HRH1: variants seen among roughly 807,000 people sequenced by gnomAD.
HRH1 encodes histamine receptor H1, also known as histamine H1 receptor.
In HRH1, 6 loss-of-function variants were observed where a neutral mutation model predicts 10.3. The ratio of observed to expected loss-of-function variants is 0.58; its 90% CI spans 0.32 to 1.15. The LOEUF is 1.15. Among genes scored for constraint, HRH1 ranks in the 50% most tolerant of loss-of-function variants. The pLI is 0.05. For missense variants in HRH1, 514 were observed against 615.3 expected (o/e 0.84, Z 1.74); for synonymous variants, 242 against 236.7 (o/e 1.02, Z -0.21).
At chr3:11,163,654 A>G (rs1936970674) in intron 1 of HRH1, among the ~76,000 whole-genome samples, 1 of 152,172 alleles carries the variant, frequency 6.6e-6, no homozygotes, top group African/African-American at 2.4e-5. Context: ...GTGCTAGTCC[A>G]GTGCTGCTCC....
intron 1 of HRH1, among the ~76,000 whole-genome samples, chr3:11,156,867 T>C (rs73128501): frequency 0.058 from 8,773 of 152,262 alleles, 580 homozygotes; most frequent in African/African-American, 0.15. Flanking sequence ...TGTTTTCTCA[T>C]CTGTAAAGTG....
At position 11,147,646 on chromosome 3, in the gene HRH1, G is replaced by A. The variant is rs765823222; in HGVS notation, c.-36+10247G>A. 2.6e-5 allele frequency among the ~76,000 whole-genome samples: 4 copies of A among 152,014 alleles called. No homozygotes were observed. The East Asian group carries it at 5.8e-4, about 22-fold the overall frequency. ...AAGACTGGTTTGCCTCTTAATAACCGTTCCCTCAATATCATTGTTCTAGGC... is the reference window on the plus strand; with the variant it reads ...AAGACTGGTTTGCCTCTTAATAACCATTCCCTCAATATCATTGTTCTAGGC... On this transcript the variant is annotated intron_variant, in intron 1 of 1. Coordinates refer to the HRH1 transcript ENST00000438284.
chr3:11,151,947 A>T (rs547915774), upstream of HRH1, among the ~76,000 whole-genome samples: 2 of 152,280 alleles, frequency 1.3e-5, no homozygotes, highest in African/African-American at 4.8e-5. Context: ...ATTTCTTCTC[A>T]TTGCCTTCAG....
intron 1 of HRH1, among the ~76,000 whole-genome samples, chr3:11,209,966 C>T (rs1938268872): frequency 6.6e-6 from 1 of 152,210 alleles, no homozygotes; most frequent in Admixed American, 6.5e-5. Context: ...AGTGTCAACA[C>T]AAGTTAGATC....
intron 1 of HRH1, among the ~76,000 whole-genome samples, chr3:11,157,769 G>T (rs1936842833): frequency 6.6e-6 from 1 of 152,242 alleles, no homozygotes; most frequent in Non-Finnish European, 1.5e-5. Flanking sequence ...ACTTGTTGTT[G>T]CCAGCAGAAT....
At chr3:11,180,774 G>A (rs1474840267) in intron 1 of HRH1, among the ~76,000 whole-genome samples, 1 of 152,196 alleles carries the variant, frequency 6.6e-6, no homozygotes, top group Non-Finnish European at 1.5e-5. Context: ...ACCGTAGCAT[G>A]TGTTGGTACT....
intron 1 of HRH1, among the ~76,000 whole-genome samples, chr3:11,244,516 A>G (rs1360600028): frequency 6.6e-6 from 1 of 152,226 alleles, no homozygotes; most frequent in Non-Finnish European, 1.5e-5. Context: ...GGTGCTCACC[A>G]AGAAATGGAA....
chr3:11,180,945 G>GCATA (rs1385974860), intron 1 of HRH1, among the ~76,000 whole-genome samples: 1 of 64,634 alleles, frequency 1.5e-5, no homozygotes, highest in Non-Finnish European at 3.0e-5. Context: ...CTTCTCTCAG[G>GCATA]CATACACACA....
intron 1 of HRH1, among the ~76,000 whole-genome samples, chr3:11,247,756 A>C (rs1416202488): frequency 6.6e-6 from 1 of 152,198 alleles, no homozygotes. Context: ...ATGCCTTAGC[A>C]TATCTAGGCT....
intron 1 of HRH1, chr3:11,234,579 G>A (rs568509942): frequency 7.6e-6 from 11 of 1,440,736 alleles, no homozygotes; most frequent in Middle Eastern, 1.8e-4. Context: ...CGTATGGATC[G>A]TTGGGGTCAT....
intron 1 of HRH1, among the ~76,000 whole-genome samples, chr3:11,187,082 G>C (rs533618807): frequency 1.3e-5 from 2 of 152,300 alleles, no homozygotes; most frequent in African/African-American, 2.4e-5. Context: ...TACAATTCCA[G>C]ACCTTCCCTT....
At chr3:11,252,075 G>GTT (rs1939667650) in intron 1 of HRH1, among the ~76,000 whole-genome samples, 1 of 152,200 alleles carries the variant, frequency 6.6e-6, no homozygotes, top group African/African-American at 2.4e-5. Flanking sequence ...ACTAATAGAT[G>GTT]TTTTAACCTT....
chr3:11,185,264 C>G (rs980486450), intron 1 of HRH1, among the ~76,000 whole-genome samples: 1 of 152,186 alleles, frequency 6.6e-6, no homozygotes, highest in South Asian at 2.1e-4. Context: ...GGAACCTGCA[C>G]TTTCACTCAT....
chr3:11,236,716 C>A (rs1404591588), intron 1 of HRH1, among the ~76,000 whole-genome samples: 1 of 152,176 alleles, frequency 6.6e-6, no homozygotes, highest in Admixed American at 6.5e-5. Flanking sequence ...TAAATAACTT[C>A]TATATATAAA....
chr3:11,214,215 C>T (rs925729107), intron 1 of HRH1, among the ~76,000 whole-genome samples: 2 of 152,058 alleles, frequency 1.3e-5, no homozygotes, highest in Admixed American at 6.6e-5. Context: ...AGAGGCTGGT[C>T]GGTGCTTTCC....
rs372709555 is a variant in HRH1, at chr3:11,167,358, A to T, written c.-36+12804A>T. 4.2e-4 allele frequency among the ~76,000 whole-genome samples: 31 copies of T among 74,586 alleles called. 1 individual carries two copies. In the East Asian group the frequency reaches 0.013, roughly 32 times the overall value. 48.9% of individuals were successfully genotyped at this position (74,586 alleles called of 152,430 possible). ...ACATCTGCTGTCCCCTGGCCTCTCC[A>T]GGCCCGTGACATCTGCTGTCCCCTG... On this transcript the variant is annotated intron_variant, in intron 1 of 1. Coordinates refer to ENST00000431010, the MANE Select transcript of HRH1 (RefSeq NM_001098212.2).
intron 1 of HRH1, chr3:11,234,381 A>G (rs1939118511): frequency 6.2e-7 from 1 of 1,603,406 alleles, no homozygotes; most frequent in Non-Finnish European, 8.5e-7. Context: ...AGGTCTGGGT[A>G]TTTCTGCAGG....
chr3:11,254,169 G>A (rs1026705794), intron 1 of HRH1, among the ~76,000 whole-genome samples: 9 of 152,100 alleles, frequency 5.9e-5, no homozygotes, highest in African/African-American at 1.9e-4. Flanking sequence ...TTTTCCCTGA[G>A]TCCATGGGGC....
chr3:11,163,196 A>G (rs867591981), intron 1 of HRH1, among the ~76,000 whole-genome samples: 3 of 151,988 alleles, frequency 2.0e-5, no homozygotes, highest in Admixed American at 6.6e-5. Context: ...CCCAGCCTCA[A>G]CGTAGGCCTC....
Sources: gnomAD v4.1 joint callset for allele counts (sites outside exome capture counted in the v4.1 genomes callset) on GRCh38, gnomAD v4.1.1 for gene constraint, MANE v1.5 for transcripts, NCBI Gene and HGNC (gene_info 2026-07-23, HGNC 2026-07-21) for gene names.